The following IYD variants were observed in gnomAD, a reference collection of about 807,000 sequenced individuals.
IYD encodes the protein iodotyrosine deiodinase, also known as iodotyrosine deiodinase 1.
A neutral mutation model predicts 28.4 loss-of-function variants in IYD; 25 were observed. The ratio of observed to expected loss-of-function variants is 0.88; its 90% confidence interval spans 0.64 to 1.23. The LOEUF is 1.23. IYD is among the 50% of genes most tolerant of loss of function. The probability of loss-of-function intolerance (pLI) is 0.00; values close to 1 mark genes in which losing one functional copy is unlikely to be tolerated. For synonymous variants in IYD, 140 were observed against 130.8 expected (o/e 1.07, Z -0.48); for missense variants, 352 against 357.9 (o/e 0.98, Z 0.13).
chr6:150,391,322 G>A (rs899088925), intron 2 of IYD, among the ~76,000 whole-genome samples: 3 of 152,042 alleles, frequency 2.0e-5, no homozygotes, highest in African/African-American at 7.2e-5. Context: ...TTGATACAGG[G>A]ACCAAACACT....
At chr6:150,388,668 T>TTTCTTTCC (rs1777988841) in intron 1 of IYD, among the ~76,000 whole-genome samples, 1 of 139,156 alleles carries the variant, frequency 7.2e-6, no homozygotes, top group African/African-American at 2.6e-5. Context: ...TCTTTCTTTC[T>TTTCTTTCC]TTCTTTCTTT....
Position 150,401,316 on chromosome 6 carries a change from G to A in IYD, c.*3079G>A, listed in dbSNP as rs1443162083. 6.6e-6 allele frequency: 1 copy of A among 152,110 alleles called. No individual in the cohort carries two copies. The highest frequency in any genetic ancestry group is 1.5e-5 in the Non-Finnish European group (1 of 68,040). 9.4% of individuals were successfully genotyped at this position (152,110 alleles called of 1,614,324 possible). On this transcript the variant is annotated 3_prime_UTR_variant, in exon 5 of 5. Transcript: ENST00000344419. ...AATGTCCCCCACTTGGAGAGTTTGAGGAATGGAAATGAGAATCGGAGGAGA... is the reference window on the plus strand; with the variant it reads ...AATGTCCCCCACTTGGAGAGTTTGAAGAATGGAAATGAGAATCGGAGGAGA...
intron 1 of IYD, among the ~76,000 whole-genome samples, chr6:150,373,444 G>A (rs1777343221): frequency 1.3e-5 from 2 of 152,186 alleles, no homozygotes; most frequent in African/African-American, 4.8e-5. Context: ...GAGTGTCAGA[G>A]TCTCAACCAA....
intron 1 of IYD, among the ~76,000 whole-genome samples, chr6:150,373,840 A>G (rs1777354870): frequency 6.6e-6 from 1 of 152,240 alleles, no homozygotes. Flanking sequence ...TGTCTTAGAC[A>G]CACCTAGACA....
Position 150,394,249 on chromosome 6 carries a change from C to G in IYD, c.681C>G (p.Ala227=). 3 of 1,614,068 alleles carry G rather than the reference C, an allele frequency of 1.9e-6. No individual in the cohort carries two copies. The highest frequency in any genetic ancestry group is 2.5e-6 in the Non-Finnish European group (3 of 1,179,992). Residue 227 remains alanine (A), a synonymous_variant, in exon 4 of 5, where the codon GCC becomes GCG. Coordinates refer to ENST00000344419, the MANE Select transcript of IYD (RefSeq NM_203395.3). ...TCGCTTGTGGCATCCTGCTAGCTGC[C>G]CTGCAGGTATGTTGAGACATCAAGG... is the stretch of plus-strand genomic sequence containing the variant. The part of the protein sequence containing the change: ...VSIACGILLA[A]LQNAGLVTVT...
chr6:150,397,213 A>G (rs572674828), intron 4 of IYD, among the ~76,000 whole-genome samples: 20 of 152,296 alleles, frequency 1.3e-4, no homozygotes, highest in Middle Eastern at 3.4e-3. Context: ...TGCCAATATT[A>G]GAGTTATTGA....
intron 1 of IYD, among the ~76,000 whole-genome samples, chr6:150,378,885 C>A (rs1228497403): frequency 6.6e-6 from 1 of 152,170 alleles, no homozygotes; most frequent in East Asian, 1.9e-4. Context: ...AGACTTGGAA[C>A]CAACCCAAAT....
chr6:150,402,727 C>G lies in IYD; in HGVS notation c.*4490C>G, dbSNP rs1778546724. 6.6e-6 allele frequency: 1 copy of G among 152,174 alleles called. No individual in the cohort carries two copies. Among genetic ancestry groups the G allele is most frequent in the Non-Finnish European group, 1.5e-5 (1 of 68,024 alleles). 9.4% of individuals were successfully genotyped at this position (152,174 alleles called of 1,614,324 possible). ...TTGACTTCTTCCTAGACATCTCTGC[C>G]TCTGTCCACAAAATGGAAACTTCCA... On this transcript the variant is annotated 3_prime_UTR_variant, in exon 5 of 5. Coordinates refer to ENST00000344419, the MANE Select transcript of IYD (RefSeq NM_203395.3).
At chr6:150,379,282 C>T (rs986525475) in intron 1 of IYD, among the ~76,000 whole-genome samples, 1 of 152,206 alleles carries the variant, frequency 6.6e-6, no homozygotes, top group African/African-American at 2.4e-5. Flanking sequence ...AGAATCTGCA[C>T]ACCCCTGTCA....
In IYD at chr6:150,402,169, A is replaced by T. The variant is rs934279392; in HGVS notation, c.*3932A>T. ...TTATTGGGCAGGCAAAGTCCTCTGC[A>T]GGCCTGGAAACCCTCCGAGACAATT... On this transcript the variant is annotated 3_prime_UTR_variant, in exon 5 of 5. Transcript: ENST00000344419. 1 of 152,260 alleles carries T rather than the reference A, an allele frequency of 6.6e-6. No homozygotes were observed. Among genetic ancestry groups the T allele is most frequent in the African/African-American group, 2.4e-5 (1 of 41,476 alleles). The allele number at this position is 152,260 out of a possible 1,614,324, so 9.4% of individuals were successfully genotyped here.
intron 1 of IYD, among the ~76,000 whole-genome samples, chr6:150,377,497 G>T (rs926861524): frequency 6.6e-6 from 1 of 152,226 alleles, no homozygotes; most frequent in Non-Finnish European, 1.5e-5. Flanking sequence ...ACTGCTCCGA[G>T]AGTGCACTCA....
At chr6:150,391,145 G>T (rs1340007429) in intron 2 of IYD, among the ~76,000 whole-genome samples, 1 of 151,852 alleles carries the variant, frequency 6.6e-6, no homozygotes, top group African/African-American at 2.4e-5. Context: ...GCTGAGGCAG[G>T]AGAATCGCTT....
chr6:150,394,829 T>C (rs1352327595), intron 4 of IYD, among the ~76,000 whole-genome samples: 1 of 152,168 alleles, frequency 6.6e-6, no homozygotes, highest in Admixed American at 6.5e-5. Context: ...TTTTCTGAGC[T>C]CCTTTTTGTT....
Position 150,398,246 on chromosome 6 carries a change from C to T in IYD, c.*9C>T, listed in dbSNP as rs764295810. 5.0e-6 allele frequency: 8 copies of T among 1,613,910 alleles called. No individual in the cohort carries two copies. Among genetic ancestry groups the T allele is most frequent in the Non-Finnish European group, 6.8e-6 (8 of 1,179,912 alleles). ...TCATGGTGACAGTGTAGGCAGGGCC[C>T]CCCAAGGGAGTGGCAGGGAGATGGC... On this transcript the variant is annotated 3_prime_UTR_variant, in exon 5 of 5. Coordinates refer to ENST00000344419, the MANE Select transcript of IYD (RefSeq NM_203395.3).
chr6:150,372,896 A>G (rs937951142), intron 1 of IYD, among the ~76,000 whole-genome samples: 2 of 152,168 alleles, frequency 1.3e-5, no homozygotes, highest in Non-Finnish European at 2.9e-5. Context: ...GGTCCAAGAA[A>G]GAAGAGTTGC....
chr6:150,398,148 A>C lies in IYD; in HGVS notation c.781A>C (p.Met261Leu). The C allele has an allele frequency of 4.3e-6, 7 of 1,614,144 alleles. No homozygotes were observed. Among genetic ancestry groups the C allele is most frequent in the Non-Finnish European group, 5.9e-6 (7 of 1,180,020 alleles). The change falls in exon 5 of 5, where the codon ATG becomes CTG. Residue 261 changes from methionine (M) to leucine (L), a missense_variant. By Grantham distance (15) the Met-to-Leu change is conservative. Coordinates refer to ENST00000344419, the MANE Select transcript of IYD (RefSeq NM_203395.3). ...LGRPAHEKLL[M>L]LLPVGYPSKE... ...CCGCCCCGCACATGAAAAGCTGCTG[A>C]TGCTGCTCCCCGTGGGGTACCCCAG...
rs1778448185 is a variant in IYD at position 150,399,672 on chromosome 6, T to C, written c.*1435T>C. 1.3e-5 allele frequency: 2 copies of C among 152,246 alleles called. No homozygotes were observed. The allele number at this position is 152,246 out of a possible 1,614,324, so 9.4% of individuals were successfully genotyped here. A position where few individuals can be genotyped will look rare whatever the true frequency, so the allele number is the denominator to read the frequency against. On this transcript the variant is annotated 3_prime_UTR_variant, in exon 5 of 5. Coordinates refer to ENST00000344419, the MANE Select transcript of IYD (RefSeq NM_203395.3). ...ATGTGGCTGATAAACAACAGAAATTTGTTTCTCACAGTTCTGGAGGCTGGA... is the reference window on the plus strand; with the variant it reads ...ATGTGGCTGATAAACAACAGAAATTCGTTTCTCACAGTTCTGGAGGCTGGA...
At chr6:150,384,737 G>A (rs770188661) in intron 1 of IYD, 9 of 152,094 alleles carry the variant, frequency 5.9e-5, no homozygotes, top group Non-Finnish European at 1.2e-4. Context: ...GATATATAAC[G>A]AACAATTTTG....
chr6:150,378,715 T>C (rs1378738215), intron 1 of IYD, among the ~76,000 whole-genome samples: 2 of 152,192 alleles, frequency 1.3e-5, no homozygotes, highest in Non-Finnish European at 2.9e-5. Context: ...AGTTCAACCA[T>C]TGTGGAAGTC....
Sources: gnomAD v4.1 joint callset for allele counts (sites outside exome capture counted in the v4.1 genomes callset) on GRCh38, gnomAD v4.1.1 for gene constraint, MANE v1.5 for transcripts, NCBI Gene and HGNC (gene_info 2026-07-23, HGNC 2026-07-21) for gene names.